R3HDM1: variants seen among roughly 807,000 people sequenced by gnomAD.
R3HDM1 encodes the protein R3H domain containing 1.
Under a neutral mutation model 141.1 loss-of-function variants are expected in R3HDM1, and 46 were observed. That is an observed-to-expected ratio of 0.33 (90% CI 0.26 to 0.42). The LOEUF is 0.42. R3HDM1 is among the 10% of genes least tolerant of loss of function. The pLI is 1.00. For synonymous variants in R3HDM1, 435 were observed against 472.9 expected, an observed-to-expected ratio of 0.92 and a Z score of 1.04; for missense variants, 1,184 against 1,368.3, an observed-to-expected ratio of 0.87 and a Z score of 2.12.
intron 5 of R3HDM1, chr2:135,620,249 TAGTTACA>T: frequency 2.1e-6 from 2 of 935,424 alleles, no homozygotes; most frequent in Non-Finnish European, 2.5e-6. Context: ...ACCAGAATAG[TAGTTACA>T]AGTCAAGAAA....
chr2:135,559,348 C>T (rs146882041), intron 1 of R3HDM1, among the ~76,000 whole-genome samples: 1 of 152,172 alleles, frequency 6.6e-6, no homozygotes, highest in East Asian at 1.9e-4. Context: ...AATTCCGGGG[C>T]TCAAGCAATC....
At chr2:135,713,218 G>A (rs2075849825) in intron 23 of R3HDM1, among the ~76,000 whole-genome samples, 2 of 151,994 alleles carry the variant, frequency 1.3e-5, no homozygotes, top group Non-Finnish European at 2.9e-5. Context: ...AACAAAAGGA[G>A]GGGGAACAAA....
chr2:135,709,553 G>A lies in R3HDM1; in HGVS notation c.2563+17G>A, dbSNP rs1559492083. The stretch of plus-strand genomic sequence containing the variant: ...AATGTACAGGTATAAAGAAATCAGT[G>A]AAAATAAGATGATTGGTTCATATGA... On this transcript the variant is annotated intron_variant, in intron 22 of 26. Coordinates refer to ENST00000683871, the MANE Select transcript of R3HDM1 (RefSeq NM_001378107.1). 2 of 1,611,068 alleles carry A rather than the reference G, an allele frequency of 1.2e-6. No individual in the cohort carries two copies. The highest frequency in any genetic ancestry group is 1.7e-6 in the Non-Finnish European group (2 of 1,178,304).
chr2:135,680,433 T>C (rs2070065653), intron 21 of R3HDM1, 109 bp downstream of exon 21: 8 of 1,223,740 alleles, frequency 6.5e-6, no homozygotes, highest in African/African-American at 1.5e-5. Context: ...GAACATTCTC[T>C]AATGTAGAAT....
chr2:135,693,544 G>A (rs1411749020), intron 21 of R3HDM1, among the ~76,000 whole-genome samples: 1 of 152,150 alleles, frequency 6.6e-6, no homozygotes, highest in Admixed American at 6.5e-5. Flanking sequence ...ACCAGAAGAG[G>A]TCATTTGTAA....
intron 1 of R3HDM1, among the ~76,000 whole-genome samples, chr2:135,599,805 G>A (rs1045216083): frequency 7.2e-5 from 11 of 152,132 alleles, no homozygotes; most frequent in African/African-American, 2.7e-4. Context: ...GGTTGGGACG[G>A]GGGATTACTT....
intron 1 of R3HDM1, among the ~76,000 whole-genome samples, chr2:135,572,357 G>C (rs532737227): frequency 6.6e-6 from 1 of 152,164 alleles, no homozygotes; most frequent in African/African-American, 2.4e-5. Context: ...TTTAAAAGGG[G>C]CAAATGATCT....
At chr2:135,711,963 TAAAAAA>T (rs35616482) in intron 23 of R3HDM1, among the ~76,000 whole-genome samples, 1 of 85,090 alleles carries the variant, frequency 1.2e-5, no homozygotes, top group African/African-American at 4.8e-5. Flanking sequence ...TGTCTAAAAT[TAAAAAA>T]AAAAAAAAAA....
intron 9 of R3HDM1, among the ~76,000 whole-genome samples, chr2:135,635,651 C>T (rs1033104338): frequency 6.6e-6 from 1 of 152,286 alleles, no homozygotes; most frequent in Non-Finnish European, 1.5e-5. Flanking sequence ...TGAATCCAAG[C>T]GGACTGACTC....
At chr2:135,646,137 CT>C (rs200777494) in intron 16 of R3HDM1, among the ~76,000 whole-genome samples, 225 of 139,540 alleles carry the variant, frequency 1.6e-3, no homozygotes, top group Non-Finnish European at 1.5e-3. Context: ...TTTATTCTAA[CT>C]TTTTTTTTTT....
At chr2:135,601,182 GT>G (rs2105099196) in intron 1 of R3HDM1, among the ~76,000 whole-genome samples, 1 of 152,230 alleles carries the variant, frequency 6.6e-6, no homozygotes, top group African/African-American at 2.4e-5. Flanking sequence ...GTTTTGTTTT[GT>G]TTTTGGTGGA....
intron 1 of R3HDM1, among the ~76,000 whole-genome samples, chr2:135,578,002 C>G (rs1318754669): frequency 6.6e-6 from 1 of 152,138 alleles, no homozygotes; most frequent in Non-Finnish European, 1.5e-5. Context: ...AGAGCAGTGC[C>G]TAATAAATTG....
chr2:135,625,716 G>A (rs2061949388), intron 7 of R3HDM1, among the ~76,000 whole-genome samples: 1 of 152,100 alleles, frequency 6.6e-6, no homozygotes, highest in Non-Finnish European at 1.5e-5. Context: ...GAGGAGATTG[G>A]TGAAGGTCAG....
chr2:135,542,590 A>G (rs1383411422), intron 1 of R3HDM1, among the ~76,000 whole-genome samples: 3 of 152,202 alleles, frequency 2.0e-5, no homozygotes, highest in South Asian at 4.1e-4. Context: ...GTCAAGAGGC[A>G]TTATTCAACC....
chr2:135,644,039 C>T (rs2064103143), intron 15 of R3HDM1, among the ~76,000 whole-genome samples: 1 of 152,082 alleles, frequency 6.6e-6, no homozygotes, highest in Admixed American at 6.6e-5. Flanking sequence ...TAATAAACCA[C>T]CATAACACAA....
intron 1 of R3HDM1, among the ~76,000 whole-genome samples, chr2:135,592,632 T>C (rs1439190845): frequency 6.6e-6 from 1 of 152,204 alleles, no homozygotes; most frequent in Non-Finnish European, 1.5e-5. Context: ...TTATTATCCA[T>C]AGCTCAGTTT....
intron 1 of R3HDM1, among the ~76,000 whole-genome samples, chr2:135,572,186 G>C (rs1291682968): frequency 6.6e-6 from 1 of 151,986 alleles, no homozygotes; most frequent in African/African-American, 2.4e-5. Flanking sequence ...TTAAACTCCT[G>C]ACCTCAAGTG....
chr2:135,624,161 C>T (rs980526173), intron 7 of R3HDM1, among the ~76,000 whole-genome samples: 3 of 152,128 alleles, frequency 2.0e-5, no homozygotes, highest in South Asian at 2.1e-4. Flanking sequence ...TTTGGGAGGC[C>T]GAGGCGGGTG....
chr2:135,606,150 T>C (rs1471178549), intron 3 of R3HDM1: 2 of 152,378 alleles, frequency 1.3e-5, no homozygotes, highest in Non-Finnish European at 2.9e-5. Context: ...CGCACCTGTC[T>C]GGCACCTAGG....
Sources: allele counts gnomAD v4.1 joint callset (sites outside exome capture counted in the v4.1 genomes callset), GRCh38; gene constraint gnomAD v4.1.1; transcripts MANE v1.5; gene names NCBI Gene and HGNC (gene_info 2026-07-23, HGNC 2026-07-21).